The following SPIRE1 variants were observed in gnomAD, a reference collection of about 807,000 sequenced individuals.
SPIRE1 encodes the protein spire type actin nucleation factor 1.
In SPIRE1, 40 loss-of-function variants were observed where a neutral mutation model predicts 94.1. The observed-to-expected ratio is 0.43, with a 90% CI of 0.33 to 0.55. The LOEUF is 0.55. Ranked by LOEUF, SPIRE1 falls within the 20% of genes least tolerant of loss-of-function variation. SPIRE1 has a pLI of 0.06. For synonymous variants in SPIRE1, 376 were observed against 371.7 expected (o/e 1.01, Z -0.13); for missense variants, 838 against 975.2 (o/e 0.86, Z 1.87).
At chr18:12,454,717 A>G (rs749842944) in intron 12 of SPIRE1, among the ~76,000 whole-genome samples, 14 of 152,110 alleles carry the variant, frequency 9.2e-5, no homozygotes, top group Non-Finnish European at 1.5e-4. Context: ...TTTCCAATAA[A>G]TGAAAGTTCC....
intron 2 of SPIRE1, 21 bp downstream of exon 2, chr18:12,635,041 A>G: frequency 7.1e-7 from 1 of 1,407,184 alleles, no homozygotes; most frequent in East Asian, 2.5e-5. Context: ...TTACTAAGAA[A>G]TATTTGAGTA....
At chr18:12,522,414 G>A (rs2034389924) in intron 4 of SPIRE1, among the ~76,000 whole-genome samples, 1 of 152,136 alleles carries the variant, frequency 6.6e-6, no homozygotes, top group Non-Finnish European at 1.5e-5. Flanking sequence ...TTAGGTTTAA[G>A]AAAAAAAGTT....
At chr18:12,658,516 C>T (rs900214058), upstream of SPIRE1, 8 of 461,810 alleles carry the variant, frequency 1.7e-5, no homozygotes, top group African/African-American at 4.0e-5. Context: ...ACTGGGCGCG[C>T]CAACCCGGGT....
At chr18:12,620,547 TC>T (rs2037437304) in intron 2 of SPIRE1, among the ~76,000 whole-genome samples, 1 of 152,158 alleles carries the variant, frequency 6.6e-6, no homozygotes, top group African/African-American at 2.4e-5. Flanking sequence ...GATAATACCA[TC>T]CAACAGGTAA....
At chr18:12,640,575 A>G (rs933576741) in intron 1 of SPIRE1, among the ~76,000 whole-genome samples, 3 of 152,220 alleles carry the variant, frequency 2.0e-5, no homozygotes, top group African/African-American at 7.2e-5. Context: ...TAATCAAACA[A>G]AACAGAACTC....
intron 2 of SPIRE1, among the ~76,000 whole-genome samples, chr18:12,604,314 C>A (rs1313381585): frequency 6.6e-6 from 1 of 152,124 alleles, no homozygotes; most frequent in African/African-American, 2.4e-5. Context: ...CAGAACGGAA[C>A]TGAATTAGAG....
At chr18:12,458,591 G>C in intron 12 of SPIRE1, among the ~76,000 whole-genome samples, 1 of 152,138 alleles carries the variant, frequency 6.6e-6, no homozygotes, top group East Asian at 1.9e-4. Context: ...TCCAGCCTGA[G>C]TGACAGAGAG....
chr18:12,628,182 G>A (rs7504857), intron 2 of SPIRE1, among the ~76,000 whole-genome samples: 4 of 152,050 alleles, frequency 2.6e-5, no homozygotes, highest in South Asian at 2.1e-4. Context: ...TTTTTATAGC[G>A]TTAGGTCTAA....
At chr18:12,551,336 TC>T (rs2035342356) in intron 2 of SPIRE1, among the ~76,000 whole-genome samples, 3 of 152,204 alleles carry the variant, frequency 2.0e-5, no homozygotes, top group Non-Finnish European at 2.9e-5. Context: ...ACTTCTGAGT[TC>T]CTTTTTGTAT....
At chr18:12,629,450 C>A (rs917190519) in intron 2 of SPIRE1, among the ~76,000 whole-genome samples, 2 of 152,192 alleles carry the variant, frequency 1.3e-5, no homozygotes, top group East Asian at 3.8e-4. Flanking sequence ...GCTTCCTTGA[C>A]AGGCAAGCGC....
At chr18:12,623,796 T>C (rs2037543141) in intron 2 of SPIRE1, among the ~76,000 whole-genome samples, 1 of 151,884 alleles carries the variant, frequency 6.6e-6, no homozygotes, top group Admixed American at 6.6e-5. Flanking sequence ...GCTCAACTAA[T>C]TTTTTGTATT....
At chr18:12,541,537 G>T (rs1186519956) in intron 3 of SPIRE1, among the ~76,000 whole-genome samples, 2 of 152,128 alleles carry the variant, frequency 1.3e-5, no homozygotes, top group African/African-American at 2.4e-5. Flanking sequence ...TTTCTCCTTA[G>T]TAAATTGAAC....
chr18:12,637,358 C>CA (rs55649398), intron 1 of SPIRE1, among the ~76,000 whole-genome samples: 1,428 of 101,728 alleles, frequency 0.014, 35 homozygotes, highest in African/African-American at 0.049. Flanking sequence ...GACTCTGTCT[C>CA]AAAAAAAAAA....
At chr18:12,631,691 CCT>C (rs1347543911) in intron 2 of SPIRE1, among the ~76,000 whole-genome samples, 10 of 151,880 alleles carry the variant, frequency 6.6e-5, no homozygotes, top group East Asian at 3.9e-4. Flanking sequence ...CTGGCAAAAC[CCT>C]GTCTCTACTA....
At chr18:12,555,545 A>G (rs2144349388) in intron 2 of SPIRE1, among the ~76,000 whole-genome samples, 1 of 152,340 alleles carries the variant, frequency 6.6e-6, no homozygotes, top group Admixed American at 6.5e-5. Flanking sequence ...GACACATCAT[A>G]TCAACAGAAT....
intron 4 of SPIRE1, among the ~76,000 whole-genome samples, chr18:12,526,544 G>A (rs2034528924): frequency 1.3e-5 from 2 of 152,126 alleles, no homozygotes; most frequent in Non-Finnish European, 2.9e-5. Flanking sequence ...TACCGACAGT[G>A]AGAAAGGCAG....
At chr18:12,487,555 C>T (rs2143821969) in intron 8 of SPIRE1, among the ~76,000 whole-genome samples, 1 of 152,056 alleles carries the variant, frequency 6.6e-6, no homozygotes, top group South Asian at 2.1e-4. Context: ...CCACCAGGCC[C>T]AGCTAATTTT....
chr18:12,471,384 CT>C (rs975751031), intron 10 of SPIRE1, among the ~76,000 whole-genome samples: 418 of 137,556 alleles, frequency 3.0e-3, no homozygotes, highest in Middle Eastern at 3.9e-3. Context: ...TGGTTTCTTT[CT>C]TTTTTTTTTT....
chr18:12,609,115 A>C (rs901687973), intron 2 of SPIRE1, among the ~76,000 whole-genome samples: 1 of 152,210 alleles, frequency 6.6e-6, no homozygotes, highest in African/African-American at 2.4e-5. Flanking sequence ...ATCTAATGCC[A>C]CTGCTAATCT....
Sources: gnomAD v4.1 joint callset for allele counts (sites outside exome capture counted in the v4.1 genomes callset) on GRCh38, gnomAD v4.1.1 for gene constraint, MANE v1.5 for transcripts, NCBI Gene and HGNC (gene_info 2026-07-23, HGNC 2026-07-21) for gene names.